The following GTF2IRD1 variants were observed in gnomAD, a reference collection of about 807,000 sequenced individuals.
The protein encoded by GTF2IRD1 is GTF2I repeat domain containing 1.
A neutral mutation model predicts 113.2 loss-of-function variants in GTF2IRD1; 26 were observed. The observed-to-expected ratio is 0.23, with a 90% CI of 0.17 to 0.32. The LOEUF is 0.32. Ranked by LOEUF, GTF2IRD1 falls within the 10% of genes least tolerant of loss-of-function variation. The pLI, the probability that GTF2IRD1 is intolerant of heterozygous loss-of-function variation, is 1.00. For synonymous variants in GTF2IRD1, 484 were observed against 529.1 expected, an observed-to-expected ratio of 0.91 and a Z score of 1.17; for missense variants, 864 against 1,280.8, an observed-to-expected ratio of 0.67 and a Z score of 4.97.
intron 25 of GTF2IRD1, among the ~76,000 whole-genome samples, chr7:74,596,287 C>T (rs13234979): frequency 0.054 from 8,150 of 151,904 alleles, 287 homozygotes; most frequent in Middle Eastern, 0.13. Flanking sequence ...CATGCTAAAC[C>T]CTGTCTCTAT....
intron 1 of GTF2IRD1, among the ~76,000 whole-genome samples, chr7:74,464,489 C>T (rs1290469720): frequency 6.6e-6 from 1 of 152,114 alleles, no homozygotes; most frequent in Non-Finnish European, 1.5e-5. Context: ...TTCTGTCACC[C>T]AGGCTGGAGT....
At chr7:74,594,294 C>T (rs1802266136) in intron 24 of GTF2IRD1, among the ~76,000 whole-genome samples, 1 of 151,318 alleles carries the variant, frequency 6.6e-6, no homozygotes, top group African/African-American at 2.4e-5. Flanking sequence ...GCAGGAGGAT[C>T]GATTGAGCCC....
chr7:74,479,046 A>C (rs917823419), intron 1 of GTF2IRD1, among the ~76,000 whole-genome samples: 2 of 152,068 alleles, frequency 1.3e-5, no homozygotes, highest in Middle Eastern at 3.4e-3. Flanking sequence ...CCTGGTCCCA[A>C]AGCTCTGCCC....
Position 74,512,871 on chromosome 7 carries a change from C to T in GTF2IRD1, c.165C>T (p.Val55=), listed in dbSNP as rs782455709. The T allele has an allele frequency of 2.5e-6, 4 of 1,614,066 alleles. No individual in the cohort carries two copies. In the Admixed American group the frequency reaches 5.0e-5, roughly 20 times the overall value. ...LSKLNAEVAC[V]AVHDESAFVV... is the part of the protein sequence containing the mutation. Reference sequence around the variant, plus strand: ...AACTGAACGCCGAGGTGGCCTGTGTCGCCGTGCACGATGAGAGCGCCTTTG... The same window carrying T: ...AACTGAACGCCGAGGTGGCCTGTGTTGCCGTGCACGATGAGAGCGCCTTTG... Residue 55 remains valine (V), a synonymous_variant, in exon 3 of 27, where the codon GTC becomes GTT. Transcript: ENST00000424337. The surrounding 1 kb of genome is among the most constrained non-coding windows in gnomAD (Gnocchi z 4.4).
intron 1 of GTF2IRD1, among the ~76,000 whole-genome samples, chr7:74,492,102 C>T (rs1795379292): frequency 6.6e-6 from 1 of 152,080 alleles, no homozygotes; most frequent in Non-Finnish European, 1.5e-5. Context: ...TTCCTGGGTT[C>T]AAGCAATTCT....
intron 24 of GTF2IRD1, among the ~76,000 whole-genome samples, chr7:74,594,163 C>T (rs1554371234): frequency 6.7e-6 from 1 of 150,168 alleles, no homozygotes; most frequent in African/African-American, 2.5e-5. Flanking sequence ...CATGCCACAG[C>T]ACACCAGCCT....
chr7:74,475,361 A>T (rs37621), intron 1 of GTF2IRD1, among the ~76,000 whole-genome samples: 130,007 of 152,256 alleles, frequency 0.85, 55,973 homozygotes, highest in African/African-American at 0.96. Flanking sequence ...CAGGGTGTTA[A>T]TATGTCTTCA....
intron 17 of GTF2IRD1, among the ~76,000 whole-genome samples, chr7:74,553,595 C>T (rs1263993082): frequency 2.6e-5 from 4 of 152,168 alleles, no homozygotes; most frequent in South Asian, 2.1e-4. Flanking sequence ...GCCTTGAGCA[C>T]TTTTTAAAGT....
chr7:74,475,816 C>T (rs369465745), intron 1 of GTF2IRD1, among the ~76,000 whole-genome samples: 9 of 152,296 alleles, frequency 5.9e-5, no homozygotes, highest in East Asian at 3.9e-4. Context: ...GTGAGCCACC[C>T]GTCTGATGCG....
rs554693365 is a variant in GTF2IRD1, at chr7:74,455,407, T to A, written c.-7+1231T>A. Among the ~76,000 whole-genome samples the A allele has an allele frequency of 3.3e-5, 5 of 152,328 alleles. No individual in the cohort carries two copies. The South Asian group carries it at 1.0e-3, about 32-fold the overall frequency. The stretch of plus-strand genomic sequence containing the variant: ...CATGGTCGGCCTCTGTGTGTCTGGC[T>A]GCCCCGTGGCCAGGACTGTTGACTC... On this transcript the variant is annotated intron_variant, in intron 1 of 26. Coordinates refer to ENST00000424337, the MANE Select transcript of GTF2IRD1 (RefSeq NM_005685.4).
intron 1 of GTF2IRD1, among the ~76,000 whole-genome samples, chr7:74,488,318 A>G (rs1795136789): frequency 6.6e-6 from 1 of 152,154 alleles, no homozygotes; most frequent in African/African-American, 2.4e-5. Flanking sequence ...GAATCTTCAA[A>G]TCTTGCTCTG....
At chr7:74,472,754 G>GTAAA (rs1301734744) in intron 1 of GTF2IRD1, among the ~76,000 whole-genome samples, 19 of 152,224 alleles carry the variant, frequency 1.2e-4, no homozygotes, top group East Asian at 7.7e-4. Flanking sequence ...CTCTGCCTCA[G>GTAAA]TAAATAAATA....
chr7:74,461,769 G>T (rs2116901093), intron 1 of GTF2IRD1, among the ~76,000 whole-genome samples: 1 of 152,226 alleles, frequency 6.6e-6, no homozygotes, highest in South Asian at 2.1e-4. Flanking sequence ...AGTAGAGATG[G>T]GGTTTTGCCA....
At chr7:74,547,078 C>T (rs1156488918) in intron 16 of GTF2IRD1, 25 bp from the exon 17 acceptor site, 2 of 1,602,358 alleles carry the variant, frequency 1.2e-6, no homozygotes, top group East Asian at 2.2e-5. Context: ...CACCGGGTGG[C>T]CCTACAGCAG....
intron 7 of GTF2IRD1, 71 bp from the exon 8 acceptor site, chr7:74,524,000 G>A (rs944643877): frequency 3.6e-5 from 39 of 1,091,038 alleles, no homozygotes; most frequent in Non-Finnish European, 4.7e-5. Context: ...AAGCCCGGTG[G>A]TCATGGCCGG....
chr7:74,562,107 T>C (rs1271554934), intron 22 of GTF2IRD1, among the ~76,000 whole-genome samples: 6 of 152,250 alleles, frequency 3.9e-5, no homozygotes, highest in Admixed American at 2.0e-4. Flanking sequence ...CAGAGGTCAC[T>C]GAGTGCTACT....
chr7:74,499,441 GGA>G (rs201207424), intron 1 of GTF2IRD1, among the ~76,000 whole-genome samples: 3 of 151,194 alleles, frequency 2.0e-5, no homozygotes, highest in South Asian at 2.1e-4. Context: ...AGTGGGGGAG[GGA>G]GAGAGAGAAG....
Position 74,518,200 on chromosome 7 carries a change from A to G in GTF2IRD1, c.483A>G (p.Pro161=), listed in dbSNP as rs1797063936. The G allele has an allele frequency of 6.2e-7, 1 of 1,610,926 alleles. No homozygotes were observed. Among genetic ancestry groups the G allele is most frequent in the Non-Finnish European group, 8.5e-7 (1 of 1,179,014 alleles). Residue 161 remains proline, a synonymous_variant, in exon 5 of 27, where the codon CCA becomes CCG. Coordinates refer to ENST00000424337, the MANE Select transcript of GTF2IRD1 (RefSeq NM_005685.4). ...CCTATGAGAGGCTGCTCAGGGAGCC[A>G]GGGCTGCTGGCCGTGCAGGGGCTGC... ...PLPYERLLRE[P]GLLAVQGLPE... is the part of the protein sequence containing the mutation.
intron 9 of GTF2IRD1, among the ~76,000 whole-genome samples, chr7:74,532,055 G>A (rs1797991107): frequency 6.6e-6 from 1 of 152,196 alleles, no homozygotes; most frequent in African/African-American, 2.4e-5. Context: ...TCAGAACTGT[G>A]CTTAGAGGCT....
Sources: allele counts gnomAD v4.1 joint callset (sites outside exome capture counted in the v4.1 genomes callset), GRCh38; gene constraint gnomAD v4.1.1; non-coding constraint Gnocchi (gnomAD v3.1); transcripts MANE v1.5; gene names NCBI Gene and HGNC (gene_info 2026-07-23, HGNC 2026-07-21).